MYH16: variants seen among roughly 807,000 people sequenced by gnomAD.
MYH16 encodes the protein myosin heavy chain 16, also known as putative uncharacterized protein MYH16.
intron 39 of MYH16, among the ~76,000 whole-genome samples, 168 bp from the exon 21 acceptor site, chr7:99,304,418 G>A (rs991020548): frequency 1.3e-5 from 2 of 152,208 alleles, no homozygotes; most frequent in Non-Finnish European, 2.9e-5. Flanking sequence ...GCAAAGGGGA[G>A]CATAGAGCAC....
intron 26 of MYH16, among the ~76,000 whole-genome samples, chr7:99,285,164 T>C (rs1792260868): frequency 6.6e-6 from 1 of 152,220 alleles, no homozygotes; most frequent in African/African-American, 2.4e-5. Flanking sequence ...CCCTCCACTC[T>C]ATCCAGCCAT....
intron 34 of MYH16, 68 bp from the exon 16 acceptor site, chr7:99,297,592 G>T (rs887445405): frequency 1.4e-5 from 6 of 419,936 alleles, no homozygotes; most frequent in Non-Finnish European, 2.9e-5. Context: ...CCCAATGGAG[G>T]AATGACGGTG....
At chr7:99,288,070 A>T (rs1240840927) in exon 29 of MYH16, 1 of 456,768 alleles carries the variant, frequency 2.2e-6, no homozygotes, top group South Asian at 1.5e-5. Flanking sequence ...CTAGAGAAAG[A>T]TAAACAGGTC....
intron 37 of MYH16, among the ~76,000 whole-genome samples, chr7:99,300,643 C>T (rs1056183307): frequency 2.6e-5 from 4 of 151,964 alleles, no homozygotes; most frequent in Non-Finnish European, 5.9e-5. Flanking sequence ...CCCATCTCCA[C>T]AAAAAATAAA....
intron 23 of MYH16, among the ~76,000 whole-genome samples, chr7:99,282,322 G>A (rs1465408902): frequency 2.0e-5 from 3 of 152,012 alleles, no homozygotes; most frequent in Non-Finnish European, 4.4e-5. Flanking sequence ...CACCACACCC[G>A]GCCTCACAGT....
exon 36 of MYH16, chr7:99,297,966 T>C: frequency 2.2e-6 from 1 of 456,608 alleles, no homozygotes; most frequent in Non-Finnish European, 4.4e-6. Context: ...GAAGAATCCA[T>C]GAGAAAGAAG....
At chr7:99,301,302 A>T (rs541163676) in intron 37 of MYH16, among the ~76,000 whole-genome samples, 1 of 152,044 alleles carries the variant, frequency 6.6e-6, no homozygotes, top group African/African-American at 2.4e-5. Flanking sequence ...GGTCACTGGG[A>T]AGGCCTCCTG....
At chr7:99,249,964 T>C (rs1157551929) in intron 4 of MYH16, 1 of 153,008 alleles carries the variant, frequency 6.5e-6, no homozygotes. Context: ...CTGTCCACTT[T>C]TTTTCTACCT....
intron 18 of MYH16, among the ~76,000 whole-genome samples, chr7:99,270,482 C>T (rs1475520347): frequency 2.0e-5 from 3 of 151,610 alleles, no homozygotes; most frequent in South Asian, 2.1e-4. Context: ...CCACCACGCC[C>T]GGCTTTTTGT....
chr7:99,279,381 AGG>A, intron 21 of MYH16, 127 bp from the exon 4 acceptor site: 1 of 315,108 alleles, frequency 3.2e-6, no homozygotes, highest in Middle Eastern at 1.2e-3. Flanking sequence ...AAAAAAAAAA[AGG>A]AGCTCGAGAT....
In MYH16 at chr7:99,285,452, G is replaced by C. The variant is rs1332529056; in HGVS notation, n.3373+14G>C. On this transcript the variant is annotated intron_variant and non_coding_transcript_variant, in intron 27 of 41. Coordinates refer to ENST00000439784, the Ensembl canonical transcript of MYH16. ...ATGAGAGCCAAGGTAAATGAAATACGTTTCCCCTTCTTGAGTCAAAAGACC... is the reference window on the plus strand; with the variant it reads ...ATGAGAGCCAAGGTAAATGAAATACCTTTCCCCTTCTTGAGTCAAAAGACC... The C allele has an allele frequency of 2.2e-6, 1 of 456,558 alleles. No individual in the cohort carries two copies. The highest frequency in any genetic ancestry group is 2.4e-5 in the Admixed American group (1 of 42,548). The allele number at this position is 456,558 out of a possible 1,614,324, so 28.3% of individuals were successfully genotyped here.
chr7:99,297,145 G>C (rs527749409), intron 34 of MYH16, among the ~76,000 whole-genome samples: 1 of 152,240 alleles, frequency 6.6e-6, no homozygotes, highest in East Asian at 1.9e-4. Flanking sequence ...ATAAAATGAG[G>C]AAATAGCCGG....
intron 8 of MYH16, among the ~76,000 whole-genome samples, chr7:99,255,289 A>G (rs541700612): frequency 9.8e-4 from 149 of 151,516 alleles, no homozygotes; most frequent in Middle Eastern, 3.4e-3. Flanking sequence ...TTTAAAATAA[A>G]TAAGTAACAA....
Position 99,278,638 on chromosome 7 carries a change from G to A in MYH16, n.2660-872G>A, listed in dbSNP as rs142522272. On this transcript the variant is annotated intron_variant and non_coding_transcript_variant, in intron 21 of 41. Coordinates refer to ENST00000439784, the Ensembl canonical transcript of MYH16. ...GAAAACTCAGTTTGGCAGACATTTA[G>A]AGATTTGATCAAAGTCCCAGGCCCA... 2.3e-3 allele frequency among the ~76,000 whole-genome samples: 353 copies of A among 152,266 alleles called. 1 individual carries two copies. Among genetic ancestry groups the A allele is most frequent in the African/African-American group, 7.3e-3 (303 of 41,542 alleles).
intron 25 of MYH16, 98 bp from the exon 8 acceptor site, chr7:99,284,747 G>A: frequency 2.3e-6 from 1 of 437,546 alleles, no homozygotes; most frequent in Admixed American, 2.4e-5. Flanking sequence ...TTTTCGGCAG[G>A]TTCAAGGCCT....
intron 20 of MYH16, among the ~76,000 whole-genome samples, chr7:99,277,269 A>G (rs60612724): frequency 0.23 from 34,888 of 152,046 alleles, 9,628 homozygotes; most frequent in African/African-American, 0.66. Flanking sequence ...GAGGACACCT[A>G]ACTCCATGTC....
intron 23 of MYH16, among the ~76,000 whole-genome samples, chr7:99,282,936 C>A (rs1036010959): frequency 6.6e-6 from 1 of 152,150 alleles, no homozygotes; most frequent in Admixed American, 6.5e-5. Context: ...GTTTTACTCA[C>A]ATAAGTGCCC....
At chr7:99,289,125 A>G (rs1235523217) in intron 29 of MYH16, among the ~76,000 whole-genome samples, 162 bp from the exon 11 acceptor site, 41 of 151,992 alleles carry the variant, frequency 2.7e-4, no homozygotes, top group African/African-American at 9.7e-4. Flanking sequence ...AAAAAAAAAA[A>G]AAAATGGTGA....
At chr7:99,244,112 TCCAAACATCCATCCATCCATCAA>T (rs1791701384) in intron 2 of MYH16, among the ~76,000 whole-genome samples, 1 of 151,062 alleles carries the variant, frequency 6.6e-6, no homozygotes, top group South Asian at 2.1e-4. Context: ...CGTCCACCTA[TCCAAACATCCATCCATCCATCAA>T]CCAAACATCC....
Sources: allele counts gnomAD v4.1 joint callset (sites outside exome capture counted in the v4.1 genomes callset), GRCh38; gene constraint gnomAD v4.1.1; transcripts MANE v1.5; gene names NCBI Gene and HGNC (gene_info 2026-07-23, HGNC 2026-07-21).